Variants in EIF4E3 observed in about 807,000 individuals in gnomAD.
The protein encoded by EIF4E3 is eukaryotic translation initiation factor 4E type 3.
Under a neutral mutation model 31.7 loss-of-function variants are expected in EIF4E3, and 26 were observed. The observed-to-expected ratio is 0.82, with a 90% CI of 0.60 to 1.14. The LOEUF is 1.14. Ranked by LOEUF, EIF4E3 falls within the 50% of genes most tolerant of loss-of-function variation. The probability of loss-of-function intolerance (pLI) is 0.00; values close to 1 mark genes in which losing one functional copy is unlikely to be tolerated. For missense variants in EIF4E3, 304 were observed against 270.9 expected (o/e 1.12, Z -0.86); for synonymous variants, 128 against 107.7 (o/e 1.19, Z -1.17).
intron 2 of EIF4E3, among the ~76,000 whole-genome samples, chr3:71,706,755 T>G (rs1287925421): frequency 1.3e-5 from 2 of 152,084 alleles, no homozygotes; most frequent in Non-Finnish European, 2.9e-5. Flanking sequence ...ACCAGGAGTT[T>G]GAGGCTGCAG....
intron 1 of EIF4E3, among the ~76,000 whole-genome samples, chr3:71,750,045 A>G (rs994944243): frequency 3.3e-5 from 5 of 152,236 alleles, no homozygotes; most frequent in African/African-American, 1.2e-4. Flanking sequence ...AGCCTGGGAA[A>G]ATGACTAAAC....
the EIF4E3 span, among the ~76,000 whole-genome samples, chr3:71,670,068 A>G: frequency 3.3e-5 from 5 of 152,330 alleles, no homozygotes; most frequent in East Asian, 9.6e-4. Flanking sequence ...TGTGAAGATA[A>G]GGAATATTTG....
downstream of EIF4E3, among the ~76,000 whole-genome samples, chr3:71,674,392 C>A (rs2048861767): frequency 6.6e-6 from 1 of 152,060 alleles, no homozygotes; most frequent in African/African-American, 2.4e-5. Context: ...CAGGCATGAG[C>A]CACTGCGCCC....
rs2049175268 is a variant in EIF4E3, at chr3:71,698,815, T to A, written c.344+799A>T. On this transcript the variant is annotated intron_variant, in intron 3 of 6. Transcript: ENST00000425534. ...AATGTAGAATGAAGCAGAGTAATTC[T>A]GGTGGGGACCATCAGATTCCTGATA... is the stretch of plus-strand genomic sequence containing the variant. 2.0e-5 allele frequency among the ~76,000 whole-genome samples: 3 copies of A among 152,346 alleles called. No homozygotes were observed. In the South Asian group the frequency reaches 6.2e-4, roughly 32 times the overall value.
At chr3:71,754,707 G>T, upstream of EIF4E3, 1 of 1,484,708 alleles carries the variant, frequency 6.7e-7, no homozygotes, top group South Asian at 1.2e-5. The surrounding 1 kb of genome is among the most constrained non-coding windows in gnomAD (Gnocchi z 5.8). Context: ...CGCGCGCCTG[G>T]TGCCCGCCGT....
intron 1 of EIF4E3, among the ~76,000 whole-genome samples, chr3:71,743,782 TAA>T (rs1448237723): frequency 6.6e-6 from 1 of 152,098 alleles, no homozygotes; most frequent in African/African-American, 2.4e-5. Flanking sequence ...CTCAACAGAA[TAA>T]AGAGTCCAGG....
chr3:71,677,546 A>G lies in EIF4E3; in HGVS notation c.*7136T>C, dbSNP rs2107989877. 1 of 152,286 alleles carries G rather than the reference A, an allele frequency of 6.6e-6. No individual in the cohort carries two copies. Among genetic ancestry groups the G allele is most frequent in the South Asian group, 2.1e-4 (1 of 4,820 alleles). The allele number at this position is 152,286 out of a possible 1,614,324, so 9.4% of individuals were successfully genotyped here. ...CGACTAGATGATAAAGTACACACAG[A>G]ATGCATGGTGGCAGTAATCAGATGC... On this transcript the variant is annotated 3_prime_UTR_variant, in exon 7 of 7. Coordinates refer to ENST00000425534, the MANE Select transcript of EIF4E3 (RefSeq NM_001134651.2).
intron 6 of EIF4E3, 148 bp from the exon 7 acceptor site, chr3:71,684,876 A>G (rs2048970883): frequency 2.7e-6 from 2 of 736,196 alleles, no homozygotes; most frequent in Non-Finnish European, 4.3e-6. Flanking sequence ...TTTTTTTGCC[A>G]GTAACTGTTA....
At chr3:71,699,914 G>A (rs2049191344) in intron 2 of EIF4E3, among the ~76,000 whole-genome samples, 1 of 152,160 alleles carries the variant, frequency 6.6e-6, no homozygotes, top group African/African-American at 2.4e-5. Context: ...GCTCATGCCT[G>A]TAAATCCCAG....
chr3:71,696,044 T>C (rs1011095843), intron 4 of EIF4E3, among the ~76,000 whole-genome samples: 32 of 152,312 alleles, frequency 2.1e-4, no homozygotes, highest in Admixed American at 1.8e-3. Flanking sequence ...CTCTGTGACA[T>C]GGTCATTCTC....
At chr3:71,719,522 T>G (rs890651520) in intron 1 of EIF4E3, among the ~76,000 whole-genome samples, 6 of 148,856 alleles carry the variant, frequency 4.0e-5, no homozygotes, top group South Asian at 4.2e-4. Flanking sequence ...ATATGATGGC[T>G]CACCTTTCTG....
chr3:71,734,869 C>A (rs2049745062), intron 1 of EIF4E3, among the ~76,000 whole-genome samples: 1 of 152,148 alleles, frequency 6.6e-6, no homozygotes, highest in African/African-American at 2.4e-5. Flanking sequence ...TAGTATTTGG[C>A]CTATGAGTCC....
At chr3:71,750,704 G>C (rs1578395819) in intron 1 of EIF4E3, among the ~76,000 whole-genome samples, 1 of 151,994 alleles carries the variant, frequency 6.6e-6, no homozygotes, top group East Asian at 1.9e-4. Flanking sequence ...AGGATCACTT[G>C]AGCCCAGGAG....
chr3:71,703,556 T>C (rs537224775), intron 2 of EIF4E3, among the ~76,000 whole-genome samples: 6 of 152,176 alleles, frequency 3.9e-5, no homozygotes, highest in Non-Finnish European at 8.8e-5. Context: ...TGCTGACCAC[T>C]TGATAAATCC....
At chr3:71,715,218 G>A (rs1007460671) in intron 1 of EIF4E3, among the ~76,000 whole-genome samples, 2 of 152,206 alleles carry the variant, frequency 1.3e-5, no homozygotes, top group Non-Finnish European at 2.9e-5. Context: ...CAGAGAATTT[G>A]CCCTGGCCAG....
chr3:71,682,354 G>A lies in EIF4E3; in HGVS notation c.*2328C>T, dbSNP rs1482260577. Reference sequence around the variant, plus strand: ...GGAAGTTTGCACTTTCCCCACATCAGCCAAGATGGGTAAACTGCCTTAACA... The same window carrying A: ...GGAAGTTTGCACTTTCCCCACATCAACCAAGATGGGTAAACTGCCTTAACA... On this transcript the variant is annotated 3_prime_UTR_variant, in exon 7 of 7. Coordinates refer to ENST00000425534, the MANE Select transcript of EIF4E3 (RefSeq NM_001134651.2). The A allele has an allele frequency of 6.6e-6, 1 of 152,180 alleles. No individual in the cohort carries two copies. The highest frequency in any genetic ancestry group is 2.4e-5 in the African/African-American group (1 of 41,450). The allele number at this position is 152,180 out of a possible 1,614,324, so 9.4% of individuals were successfully genotyped here.
chr3:71,692,042 G>A (rs1306003981), intron 5 of EIF4E3, among the ~76,000 whole-genome samples: 1 of 152,152 alleles, frequency 6.6e-6, no homozygotes, highest in African/African-American at 2.4e-5. Context: ...CAATATTTCA[G>A]TTTGGTTTGG....
intron 1 of EIF4E3, among the ~76,000 whole-genome samples, chr3:71,745,369 A>G: frequency 6.6e-6 from 1 of 152,320 alleles, no homozygotes; most frequent in African/African-American, 2.4e-5. Context: ...CTAGCAATTC[A>G]AGAAACAGTA....
chr3:71,686,579 T>TGTGTGTGTG (rs397806589), intron 6 of EIF4E3, among the ~76,000 whole-genome samples: 1 of 151,174 alleles, frequency 6.6e-6, no homozygotes, highest in Non-Finnish European at 1.5e-5. Flanking sequence ...TGTGTGTGTG[T>TGTGTGTGTG]TTTCTTTTTA....
Sources: allele counts gnomAD v4.1 joint callset (sites outside exome capture counted in the v4.1 genomes callset), GRCh38; gene constraint gnomAD v4.1.1; non-coding constraint Gnocchi (gnomAD v3.1); transcripts MANE v1.5; gene names NCBI Gene and HGNC (gene_info 2026-07-23, HGNC 2026-07-21).